The following PDLIM3 variants were observed in gnomAD, a reference collection of about 807,000 sequenced individuals.
The protein encoded by PDLIM3 is PDZ and LIM domain protein 3.
PDLIM3 carries 36 observed loss-of-function variants against 37.3 expected under a neutral mutation model. The observed-to-expected ratio is 0.97, with a 90% CI of 0.74 to 1.28. The LOEUF (loss-of-function observed/expected upper bound fraction) is 1.28, where lower values mean the gene tolerates loss of function less well. Among genes scored for constraint, PDLIM3 ranks in the 50% most tolerant of loss-of-function variants. The pLI is 0.00. For synonymous variants in PDLIM3, 174 were observed against 182.4 expected (o/e 0.95, Z 0.37); for missense variants, 454 against 485.0 (o/e 0.94, Z 0.60).
chr4:185,506,808 C>T (rs373967380), intron 5 of PDLIM3, 156 bp from the exon 6 acceptor site: 2 of 655,466 alleles, frequency 3.1e-6, no homozygotes, highest in South Asian at 2.0e-5. Context: ...TAGTTAAAAG[C>T]ATAATGTGAA....
chr4:185,503,026 G>C (rs949471062), intron 7 of PDLIM3, among the ~76,000 whole-genome samples: 3 of 152,124 alleles, frequency 2.0e-5, no homozygotes, highest in Non-Finnish European at 4.4e-5. Context: ...AGGAGATCGA[G>C]ACCATCCTGG....
intron 5 of PDLIM3, chr4:185,507,094 A>G (rs2095698886): frequency 6.3e-6 from 1 of 159,958 alleles, no homozygotes; most frequent in Admixed American, 6.0e-5. Context: ...ATTCACATTC[A>G]CTTTTGATAT....
At chr4:185,508,689 T>C (rs557045789) in intron 4 of PDLIM3, 127 bp from the exon 5 acceptor site, 1 of 884,216 alleles carries the variant, frequency 1.1e-6, no homozygotes, top group Admixed American at 2.0e-5. Context: ...GTGAATTACA[T>C]CAAAATAAAA....
chr4:185,517,146 T>G (rs1424589247), intron 3 of PDLIM3: 1 of 152,196 alleles, frequency 6.6e-6, no homozygotes, highest in Non-Finnish European at 1.5e-5. Context: ...GATTAACCAG[T>G]ATAATTAGCC....
intron 1 of PDLIM3, among the ~76,000 whole-genome samples, chr4:185,528,898 C>T (rs78294627): frequency 0.028 from 4,209 of 152,206 alleles, 193 homozygotes; most frequent in African/African-American, 0.097. Context: ...ATCTGTTTTC[C>T]CTGCATTACT....
At chr4:185,507,945 A>G (rs2095700493) in intron 5 of PDLIM3, among the ~76,000 whole-genome samples, 1 of 152,108 alleles carries the variant, frequency 6.6e-6, no homozygotes, top group Non-Finnish European at 1.5e-5. Context: ...AATAACTTTG[A>G]GAAGTATTAC....
intron 4 of PDLIM3, 44 bp from the exon 5 acceptor site, chr4:185,508,606 C>T (rs2095701882): frequency 6.2e-7 from 1 of 1,600,602 alleles, no homozygotes; most frequent in African/African-American, 1.3e-5. Context: ...CACCGGGAGC[C>T]AGACAGTCCA....
At position 185,514,812 on chromosome 4, in the gene PDLIM3, G is replaced by T; in HGVS notation, c.331-475C>A. ...GAGTTATAGGAAGCGCTCACTACCT[G>T]TCTTTTGTCATCAATGTTTGCAGCT... is the stretch of plus-strand genomic sequence containing the variant. On this transcript the variant is annotated intron_variant, in intron 3 of 7. Coordinates refer to ENST00000284767, the MANE Select transcript of PDLIM3 (RefSeq NM_014476.6). This position sits in a 1 kb window ranked among gnomAD's most constrained non-coding sequence, Gnocchi z 4.0. 6.4e-7 allele frequency: 1 copy of T among 1,551,722 alleles called. No individual in the cohort carries two copies. The highest frequency in any genetic ancestry group is 8.7e-7 in the Non-Finnish European group (1 of 1,146,992).
At chr4:185,515,724 A>G (rs2095713882) in intron 3 of PDLIM3, 1 of 152,114 alleles carries the variant, frequency 6.6e-6, no homozygotes, top group African/African-American at 2.4e-5. Context: ...AACATGTCTG[A>G]ATGATCTAAA....
intron 1 of PDLIM3, among the ~76,000 whole-genome samples, chr4:185,528,854 CT>C (rs1330489318): frequency 2.6e-5 from 4 of 152,350 alleles, no homozygotes; most frequent in Admixed American, 1.3e-4. Context: ...CAGAAAATGA[CT>C]GCGAAATTGG....
intron 7 of PDLIM3, among the ~76,000 whole-genome samples, chr4:185,503,402 C>T (rs2095690802): frequency 2.0e-5 from 3 of 152,212 alleles, no homozygotes; most frequent in Admixed American, 2.0e-4. Context: ...GAGGGCCTCT[C>T]TGCTCCGAGC....
chr4:185,535,283 C>T (rs1246513335), intron 1 of PDLIM3, 59 bp downstream of exon 1: 21 of 1,437,642 alleles, frequency 1.5e-5, no homozygotes, highest in East Asian at 2.5e-5. Context: ...TCCACTGCGT[C>T]CCCCCGGACG....
chr4:185,535,498 G>T lies in PDLIM3; in HGVS notation c.-64C>A. ...GCGCAGGGCAGCCACTCCGCGCCGG[G>T]CGGCGTCCTGGCCCCGACCCGGGCG... On this transcript the variant is annotated 5_prime_UTR_variant, in exon 1 of 8. Transcript: ENST00000284767. 7.0e-7 allele frequency: 1 copy of T among 1,423,040 alleles called. No individual in the cohort carries two copies. Among genetic ancestry groups the T allele is most frequent in the Non-Finnish European group, 9.6e-7 (1 of 1,044,832 alleles). 88.2% of individuals were successfully genotyped at this position (1,423,040 alleles called of 1,614,324 possible).
intron 3 of PDLIM3, among the ~76,000 whole-genome samples, chr4:185,521,699 C>T (rs897220308): frequency 3.0e-5 from 2 of 66,298 alleles, no homozygotes; most frequent in African/African-American, 5.5e-5. Flanking sequence ...CCCCACTCAA[C>T]TTTCAAGATT....
intron 1 of PDLIM3, among the ~76,000 whole-genome samples, chr4:185,525,744 G>A (rs948559860): frequency 1.3e-5 from 2 of 152,122 alleles, no homozygotes; most frequent in African/African-American, 4.8e-5. Flanking sequence ...AATGGGATTA[G>A]TGCCCTTATG....
chr4:185,532,329 C>CG (rs1466981972), intron 1 of PDLIM3, among the ~76,000 whole-genome samples: 5 of 152,166 alleles, frequency 3.3e-5, no homozygotes, highest in African/African-American at 7.2e-5. Flanking sequence ...AGGTTTCTGC[C>CG]TTCGGGGAAT....
rs929520569 is a variant in PDLIM3 at position 185,514,595 on chromosome 4, C to G, written c.331-258G>C. On this transcript the variant is annotated intron_variant, in intron 3 of 7. Coordinates refer to ENST00000284767, the MANE Select transcript of PDLIM3 (RefSeq NM_014476.6). This position sits in a 1 kb window ranked among gnomAD's most constrained non-coding sequence, Gnocchi z 4.0. ...TCTTTAAAAGAGAAATCTGATAGTG[C>G]CTTCAGGAAAGTAAAAATAAAACAG... 30 of 1,274,882 alleles carry G rather than the reference C, an allele frequency of 2.4e-5. No homozygotes were observed. In the African/African-American group the frequency reaches 3.6e-4, roughly 15 times the overall value. The allele number at this position is 1,274,882 out of a possible 1,614,324, so 79.0% of individuals were successfully genotyped here.
chr4:185,512,244 G>C (rs1022028696), intron 4 of PDLIM3: 1 of 152,148 alleles, frequency 6.6e-6, no homozygotes, highest in African/African-American at 2.4e-5. Context: ...ACCATGCCCA[G>C]CTAATTTTTT....
chr4:185,528,071 A>AAAAC (rs56939646), intron 1 of PDLIM3, among the ~76,000 whole-genome samples: 131,832 of 151,168 alleles, frequency 0.87, 57,944 homozygotes, highest in East Asian at 0.97. Context: ...AAAACAAAAC[A>AAAAC]AAACAAACAA....
Sources: gnomAD v4.1 joint callset for allele counts (sites outside exome capture counted in the v4.1 genomes callset) on GRCh38, gnomAD v4.1.1 for gene constraint, Gnocchi (gnomAD v3.1) non-coding constraint, MANE v1.5 for transcripts, NCBI Gene and HGNC (gene_info 2026-07-23, HGNC 2026-07-21) for gene names.